The following TRPV6 variants were observed in gnomAD, a reference collection of about 807,000 sequenced individuals.
The protein encoded by TRPV6 is transient receptor potential cation channel subfamily V member 6, also known as Alu-binding protein with zinc finger domain.
TRPV6 carries 39 observed loss-of-function variants against 79.0 expected under a neutral mutation model. That is an observed-to-expected ratio of 0.49 (90% CI 0.38 to 0.64). TRPV6 has a LOEUF of 0.64. Ranked by LOEUF, TRPV6 falls within the 30% of genes least tolerant of loss-of-function variation. The probability of loss-of-function intolerance (pLI) is 0.00; values close to 1 mark genes in which losing one functional copy is unlikely to be tolerated. For synonymous variants in TRPV6, 373 were observed against 391.9 expected (o/e 0.95, Z 0.57); for missense variants, 813 against 1,011.1 (o/e 0.80, Z 2.66).
chr7:142,872,501 A>G lies in TRPV6; in HGVS notation c.1909-23T>C, dbSNP rs775553898. 1.5e-4 allele frequency: 233 copies of G among 1,603,650 alleles called. 1 individual carries two copies. The South Asian group carries it at 2.2e-3, about 15-fold the overall frequency. On this transcript the variant is annotated intron_variant, in intron 13 of 14. Coordinates refer to ENST00000359396, the MANE Select transcript of TRPV6 (RefSeq NM_018646.6). Reference sequence around the variant, plus strand: ...AATCTGCGTATGGGAACAAAAGGAGAAGTCAGAGATGAGGCTGGGCGCAGA... The same window carrying G: ...AATCTGCGTATGGGAACAAAAGGAGGAGTCAGAGATGAGGCTGGGCGCAGA...
At chr7:142,875,443 T>C (rs574100697) in intron 8 of TRPV6, 25 bp downstream of exon 8, 2 of 1,542,382 alleles carry the variant, frequency 1.3e-6, no homozygotes, top group Non-Finnish European at 1.7e-6. Context: ...CCTGCCCTGC[T>C]GATCTGCTCC....
In TRPV6 at chr7:142,875,450, C is replaced by T. The variant is rs1419061234; in HGVS notation, c.1242+18G>A. ...AGCCAAGTCCTGCCCTGCTGATCTG[C>T]TCCTACAAGGGTGTCACCTGAAGTA... On this transcript the variant is annotated intron_variant, in intron 8 of 14. Coordinates refer to ENST00000359396, the MANE Select transcript of TRPV6 (RefSeq NM_018646.6). 1.3e-6 allele frequency: 2 copies of T among 1,549,304 alleles called. No homozygotes were observed. The highest frequency in any genetic ancestry group is 1.8e-5 in the Admixed American group (1 of 54,734).
rs1273517857 is a variant in TRPV6 at position 142,885,408 on chromosome 7, T to C, written c.229A>G (p.Asn77Asp). Residue 77 changes from asparagine to aspartate, a missense_variant, in exon 1 of 15, where the codon AAC (asparagine) becomes GAC (aspartate). Asn to Asp is a conservative substitution (Grantham distance 23). Around this residue, in one of 3 missense-constraint regions of TRPV6, gnomAD observed 555 missense variants for 631.0 expected, o/e 0.88. Transcript: ENST00000359396. ...CCTTACCTCTTCTGCTGCAGCAGGTTCTGCTCATCTCGGCTCTGGGCCCAG... is the reference window on the plus strand; with the variant it reads ...CCTTACCTCTTCTGCTGCAGCAGGTCCTGCTCATCTCGGCTCTGGGCCCAG... 1 of 1,613,364 alleles carries C rather than the reference T, an allele frequency of 6.2e-7. No individual in the cohort carries two copies. Among genetic ancestry groups the C allele is most frequent in the African/African-American group, 1.3e-5 (1 of 75,010 alleles).
chr7:142,875,377 G>A, intron 8 of TRPV6, 91 bp downstream of exon 8: 2 of 1,395,816 alleles, frequency 1.4e-6, no homozygotes, highest in South Asian at 2.7e-5. Flanking sequence ...AGAGCAAGGG[G>A]AGAAATGGTG....
At chr7:142,872,180 C>T (rs1586184269) in intron 14 of TRPV6, among the ~76,000 whole-genome samples, 191 bp from the exon 15 acceptor site, 1 of 152,274 alleles carries the variant, frequency 6.6e-6, no homozygotes. Context: ...GGCTCTGCCA[C>T]AGACTCCCTG....
chr7:142,877,510 A>G, intron 3 of TRPV6, 141 bp downstream of exon 3: 3 of 1,478,740 alleles, frequency 2.0e-6, no homozygotes, highest in Non-Finnish European at 2.7e-6. Flanking sequence ...CAGGACTGAC[A>G]CGGAAGGGAG....
At chr7:142,876,211 T>C (rs1025043495) in intron 6 of TRPV6, 197 bp downstream of exon 6, 4 of 853,502 alleles carry the variant, frequency 4.7e-6, no homozygotes, top group Admixed American at 5.8e-5. Context: ...CTAGACTCTG[T>C]AACCCCCAAT....
rs745409237 is a variant in TRPV6, at chr7:142,877,315, C to T, written c.470-36G>A. 3.7e-5 allele frequency: 60 copies of T among 1,606,816 alleles called. No individual in the cohort carries two copies. The Admixed American group carries it at 4.7e-4, about 13-fold the overall frequency. On this transcript the variant is annotated intron_variant, in intron 3 of 14. Coordinates refer to ENST00000359396, the MANE Select transcript of TRPV6 (RefSeq NM_018646.6). ...GACAGCTGTCAGTCACGGGTCTGTC[C>T]CCAGGATCCTGCAGGGGGTCCCTCC...
In TRPV6 at chr7:142,873,369, T is replaced by C. The variant is rs564250276; in HGVS notation, c.1908+79A>G. ...TCCAAACATAAGTGGGGTGGAGATA[T>C]CCTGTCTCTCAGCTTGGCAGGTTCC... On this transcript the variant is annotated intron_variant, in intron 13 of 14. Transcript: ENST00000359396. The surrounding 1 kb of genome is among the most constrained non-coding windows in gnomAD (Gnocchi z 4.8). 33 of 1,567,640 alleles carry C rather than the reference T, an allele frequency of 2.1e-5. No individual in the cohort carries two copies. Among genetic ancestry groups the C allele is most frequent in the Admixed American group, 5.1e-5 (3 of 58,978 alleles).
In TRPV6 at chr7:142,876,512, G is replaced by A. The variant is rs752166956; in HGVS notation, c.778C>T (p.Leu260=). The change falls in exon 6 of 15, where the codon CTG becomes TTG. Residue 260 remains leucine (L), a synonymous_variant. Coordinates refer to ENST00000359396, the MANE Select transcript of TRPV6 (RefSeq NM_018646.6). ...TGGTCCCCATGTCTGTCGTAGGACA[G>A]CAACAGGTTGTACATCTGGCAGGCA... The A allele has an allele frequency of 1.9e-6, 3 of 1,614,074 alleles. No individual in the cohort carries two copies. Among genetic ancestry groups the A allele is most frequent in the Non-Finnish European group, 2.5e-6 (3 of 1,180,032 alleles).
chr7:142,875,050 C>T (rs759390224), intron 9 of TRPV6, 28 bp downstream of exon 9: 4 of 1,614,094 alleles, frequency 2.5e-6, no homozygotes, highest in Non-Finnish European at 3.4e-6. Context: ...GGGCAGACAG[C>T]CTCACCCAGA....
intron 1 of TRPV6, 84 bp from the exon 2 acceptor site, chr7:142,878,110 A>T (rs1795117181): frequency 3.5e-6 from 4 of 1,135,666 alleles, no homozygotes; most frequent in Non-Finnish European, 5.3e-6. Context: ...CTCCATTATT[A>T]TACACAGATG....
chr7:142,875,593 C>G lies in TRPV6; in HGVS notation c.1117G>C (p.Gly373Arg). 1 of 1,613,708 alleles carries G rather than the reference C, an allele frequency of 6.2e-7. No homozygotes were observed. The highest frequency in any genetic ancestry group is 8.5e-7 in the Non-Finnish European group (1 of 1,179,978). ...ATGATGTACAGCAGATATATGGCAC[C>G]CAGCATGCAGAAGTACGGCCGCCCG... The change falls in exon 8 of 15, where the codon GGT (glycine) becomes CGT (arginine). Residue 373 changes from glycine (G) to arginine (R), a missense_variant. Physicochemically the swap from Gly to Arg is moderately radical, Grantham distance 125. Around this residue, in one of 3 missense-constraint regions of TRPV6, gnomAD observed 555 missense variants for 631.0 expected, o/e 0.88. Transcript: ENST00000359396.
At chr7:142,875,041 G>A (rs1795027198) in intron 9 of TRPV6, 37 bp downstream of exon 9, 1 of 1,614,126 alleles carries the variant, frequency 6.2e-7, no homozygotes, top group Non-Finnish European at 8.5e-7. Context: ...GGATTCCTCG[G>A]GCAGACAGCC....
chr7:142,877,303 C>A (rs1795096177), intron 3 of TRPV6, 24 bp from the exon 4 acceptor site: 10 of 1,611,992 alleles, frequency 6.2e-6, no homozygotes, highest in Non-Finnish European at 8.5e-6. Context: ...AGCTGTCAGT[C>A]ACGGGTCTGT....
At chr7:142,877,481 C>T (rs1795100893) in intron 3 of TRPV6, 170 bp downstream of exon 3, 15 of 1,446,006 alleles carry the variant, frequency 1.0e-5, no homozygotes, top group African/African-American at 5.7e-5. Context: ...AGGGGGCAGG[C>T]GTTCTAGTGA....
intron 1 of TRPV6, 164 bp downstream of exon 1, chr7:142,885,225 G>T: frequency 2.7e-6 from 2 of 728,798 alleles, no homozygotes; most frequent in East Asian, 2.8e-5. Flanking sequence ...AGCCCTACAG[G>T]CTGAGGCTCT....
chr7:142,872,560 T>G, intron 13 of TRPV6, 82 bp from the exon 14 acceptor site: 2 of 1,364,758 alleles, frequency 1.5e-6, no homozygotes, highest in Non-Finnish European at 2.0e-6. Context: ...TTGTTGACCT[T>G]CTTCAGTGGG....
At chr7:142,882,350 A>C (rs1795209175) in intron 1 of TRPV6, 1 of 152,224 alleles carries the variant, frequency 6.6e-6, no homozygotes, top group South Asian at 2.1e-4. Context: ...GCTTCAGAAA[A>C]GGAAACTGAA....
Sources: allele counts gnomAD v4.1 joint callset (sites outside exome capture counted in the v4.1 genomes callset), GRCh38; gene constraint gnomAD v4.1.1; regional missense constraint gnomAD v4.1.1; non-coding constraint Gnocchi (gnomAD v3.1); transcripts MANE v1.5; gene names NCBI Gene and HGNC (gene_info 2026-07-23, HGNC 2026-07-21).